The following ESYT2 variants were observed in gnomAD, a reference collection of about 807,000 sequenced individuals.
The protein encoded by ESYT2 is extended synaptotagmin-2.
In ESYT2, 54 loss-of-function variants were observed where a neutral mutation model predicts 107.2. The observed-to-expected ratio is 0.50, with a 90% confidence interval of 0.40 to 0.63. The LOEUF (loss-of-function observed/expected upper bound fraction) is 0.63, where lower values mean the gene tolerates loss of function less well. Ranked by LOEUF, ESYT2 falls within the 30% of genes least tolerant of loss-of-function variation. The probability of loss-of-function intolerance (pLI) is 0.00; values close to 1 mark genes in which losing one functional copy is unlikely to be tolerated. For missense variants in ESYT2, 1,020 were observed against 1,094.5 expected, an observed-to-expected ratio of 0.93 and a Z score of 0.96; for synonymous variants, 491 against 434.1, an observed-to-expected ratio of 1.13 and a Z score of -1.63.
At chr7:158,769,154 G>A (rs1385595482) in intron 7 of ESYT2, among the ~76,000 whole-genome samples, 3 of 152,182 alleles carry the variant, frequency 2.0e-5, no homozygotes, top group East Asian at 1.9e-4. Context: ...CAGTATCCAC[G>A]TGTGATGACC....
At position 158,761,511 on chromosome 7, in the gene ESYT2, C is replaced by A. The variant is rs1288253992; in HGVS notation, c.1218G>T (p.Glu406Asp). The change falls in exon 11 of 23, where the codon GAG becomes GAT. Residue 406 changes from glutamate to aspartate, a missense_variant. Coordinates refer to ENST00000275418, the MANE Select transcript of ESYT2 (RefSeq NM_001367773.1). ...LMIDLIEVEK[E>D]RLLDEWFTLD... Reference sequence around the variant, plus strand: ...GGAAACTTACTTCATCTAAAAGGCGCTCCTTTTCAACTTCAATGAGGTCAA... The same window carrying A: ...GGAAACTTACTTCATCTAAAAGGCGATCCTTTTCAACTTCAATGAGGTCAA... The A allele has an allele frequency of 4.3e-6, 7 of 1,613,932 alleles. No homozygotes were observed. In the African/African-American group the frequency reaches 9.3e-5, roughly 22 times the overall value.
chr7:158,765,366 T>C (rs1007837824), intron 8 of ESYT2, among the ~76,000 whole-genome samples: 1 of 152,250 alleles, frequency 6.6e-6, no homozygotes, highest in Non-Finnish European at 1.5e-5. Flanking sequence ...AATAATTCTA[T>C]GCAATCCTGT....
At chr7:158,828,740 G>A (rs949729110) in intron 1 of ESYT2, among the ~76,000 whole-genome samples, 7 of 152,112 alleles carry the variant, frequency 4.6e-5, no homozygotes, top group African/African-American at 1.2e-4. Context: ...GGTTCGCAGG[G>A]AGTGGGCCGG....
At chr7:158,737,747 T>G (rs6952575) in intron 19 of ESYT2, among the ~76,000 whole-genome samples, 36,070 of 152,122 alleles carry the variant, frequency 0.24, 5,152 homozygotes, top group East Asian at 0.59. Context: ...GAACTCTACA[T>G]TTTTATCATC....
chr7:158,777,329 C>G (rs75374561), intron 6 of ESYT2, among the ~76,000 whole-genome samples: 1 of 152,102 alleles, frequency 6.6e-6, no homozygotes, highest in African/African-American at 2.4e-5. Context: ...TCAGAAGATA[C>G]GACATTTACC....
At chr7:158,809,705 A>G (rs562707220) in intron 1 of ESYT2, among the ~76,000 whole-genome samples, 32 of 152,320 alleles carry the variant, frequency 2.1e-4, no homozygotes, top group African/African-American at 7.7e-4. Flanking sequence ...TCCTTAACAC[A>G]TTGTAAGTTT....
At chr7:158,747,959 C>T (rs1476326235) in intron 16 of ESYT2, among the ~76,000 whole-genome samples, 2 of 152,206 alleles carry the variant, frequency 1.3e-5, no homozygotes, top group Non-Finnish European at 2.9e-5. Flanking sequence ...GGACATACCG[C>T]ATAATTCTAT....
chr7:158,742,325 C>T (rs1198788399), intron 17 of ESYT2, among the ~76,000 whole-genome samples: 4 of 152,226 alleles, frequency 2.6e-5, no homozygotes, highest in Admixed American at 6.5e-5. Flanking sequence ...TCTGGTGCCA[C>T]ACAACCTGGG....
At position 158,773,377 on chromosome 7, in the gene ESYT2, G is replaced by T; in HGVS notation, c.767C>A (p.Thr256Lys). 1.2e-6 allele frequency: 2 copies of T among 1,614,128 alleles called. No homozygotes were observed. The highest frequency in any genetic ancestry group is 1.7e-6 in the Non-Finnish European group (2 of 1,180,022). Residue 256 changes from threonine (T) to lysine (K), a missense_variant, in exon 7 of 23, where the codon ACA becomes AAA. Physicochemically the swap from Thr to Lys is moderately conservative, Grantham distance 78 (BLOSUM62 -1). Coordinates refer to ENST00000275418, the MANE Select transcript of ESYT2 (RefSeq NM_001367773.1). ...GACATCCAGAAGATTCGTCAGTCCTGTCCAGTTAATTTCTAAAAGCTGTTT... is the reference window on the plus strand; with the variant it reads ...GACATCCAGAAGATTCGTCAGTCCTTTCCAGTTAATTTCTAAAAGCTGTTT... ...LRKPLLEINW[T>K]GLTNLLDVPG...
At chr7:158,828,877 G>A (rs1324576715) in intron 1 of ESYT2, among the ~76,000 whole-genome samples, 2 of 150,298 alleles carry the variant, frequency 1.3e-5, no homozygotes, top group Non-Finnish European at 3.0e-5. Flanking sequence ...GAACCGGCCC[G>A]GGGGCCGGGG....
intron 13 of ESYT2, among the ~76,000 whole-genome samples, chr7:158,754,801 G>A (rs150132179): frequency 3.3e-5 from 5 of 152,242 alleles, no homozygotes; most frequent in East Asian, 3.9e-4. Context: ...CACTGAAGCC[G>A]TGCCTGGGAA....
intron 1 of ESYT2, among the ~76,000 whole-genome samples, chr7:158,806,713 T>C (rs1458803284): frequency 6.6e-6 from 1 of 152,234 alleles, no homozygotes; most frequent in African/African-American, 2.4e-5. Flanking sequence ...CACACAATTA[T>C]TTCATAATCG....
chr7:158,772,104 AGAGT>A (rs1380176659), intron 7 of ESYT2, among the ~76,000 whole-genome samples: 1 of 151,998 alleles, frequency 6.6e-6, no homozygotes, highest in Admixed American at 6.6e-5. Flanking sequence ...CCTGGGCAAC[AGAGT>A]GAGATTCCAT....
chr7:158,780,820 A>G (rs1838752940), intron 6 of ESYT2, among the ~76,000 whole-genome samples: 1 of 152,258 alleles, frequency 6.6e-6, no homozygotes, highest in South Asian at 2.1e-4. Context: ...CCCATGTTCA[A>G]GGCACTGAAA....
chr7:158,745,078 A>G (rs189168894), intron 16 of ESYT2, among the ~76,000 whole-genome samples: 6 of 152,372 alleles, frequency 3.9e-5, no homozygotes, highest in African/African-American at 1.2e-4. Flanking sequence ...AAGTAATTGC[A>G]GTTTCAATGG....
In ESYT2 at chr7:158,788,110, A is replaced by G; in HGVS notation, c.658-17T>C. ...ACCATGAATCTAAACTCAAACAGGA[A>G]ACCAAAATATGTAATAGAAAACATT... On this transcript the variant is annotated splice_polypyrimidine_tract_variant and intron_variant, in intron 5 of 22. Coordinates refer to ENST00000275418, the MANE Select transcript of ESYT2 (RefSeq NM_001367773.1). The G allele has an allele frequency of 6.2e-7, 1 of 1,602,768 alleles. No individual in the cohort carries two copies. Among genetic ancestry groups the G allele is most frequent in the Non-Finnish European group, 8.5e-7 (1 of 1,169,852 alleles).
intron 1 of ESYT2, among the ~76,000 whole-genome samples, chr7:158,800,724 CTTTT>C (rs1441890729): frequency 1.4e-5 from 2 of 141,424 alleles, no homozygotes; most frequent in African/African-American, 5.3e-5. Flanking sequence ...TTTCTTTTTT[CTTTT>C]CTTTTCTTTT....
intron 6 of ESYT2, among the ~76,000 whole-genome samples, chr7:158,776,319 A>G (rs1253101643): frequency 1.3e-5 from 2 of 152,220 alleles, no homozygotes; most frequent in East Asian, 1.9e-4. Flanking sequence ...GAAGCCTTGA[A>G]GTCAGGCACT....
chr7:158,767,844 C>A, intron 7 of ESYT2, 70 bp from the exon 8 acceptor site: 7 of 1,530,574 alleles, frequency 4.6e-6, no homozygotes, highest in Non-Finnish European at 6.2e-6. Context: ...CCTTTGACAA[C>A]AGACTTACCA....
Sources: allele counts gnomAD v4.1 joint callset (sites outside exome capture counted in the v4.1 genomes callset), GRCh38; gene constraint gnomAD v4.1.1; transcripts MANE v1.5; gene names NCBI Gene and HGNC (gene_info 2026-07-23, HGNC 2026-07-21).